Variants in RIT2 observed in about 807,000 individuals in gnomAD.
RIT2 encodes the protein Ras like without CAAX 2.
A neutral mutation model predicts 23.7 loss-of-function variants in RIT2; 24 were observed. The observed-to-expected ratio is 1.01, with a 90% confidence interval of 0.73 to 1.43. The LOEUF (loss-of-function observed/expected upper bound fraction) is 1.43. RIT2 is among the 40% of genes most tolerant of loss of function. The pLI is 0.00. For missense variants in RIT2, 236 were observed against 266.9 expected (o/e 0.88, Z 0.81); for synonymous variants, 107 against 91.1 (o/e 1.17, Z -0.99).
intron 4 of RIT2, among the ~76,000 whole-genome samples, chr18:42,772,047 T>C (rs1913564391): frequency 6.6e-6 from 1 of 152,146 alleles, no homozygotes; most frequent in African/African-American, 2.4e-5. Flanking sequence ...AGAAGGGGGT[T>C]AGTCAAAGAA....
chr18:42,997,222 G>A (rs1911004988), intron 2 of RIT2, among the ~76,000 whole-genome samples: 3 of 152,088 alleles, frequency 2.0e-5, no homozygotes, highest in Admixed American at 6.6e-5. Flanking sequence ...CAAGTGATTG[G>A]CACATGTCCT....
In RIT2 at chr18:43,032,295, T is replaced by G. The variant is rs542922047; in HGVS notation, c.160+1516A>C. ...AGGAGTCATTTATGATTTATTCACA[T>G]CTACTGCCCTGTTCAAGCTGTTAGA... On this transcript the variant is annotated intron_variant, in intron 2 of 4. Coordinates refer to ENST00000326695, the MANE Select transcript of RIT2 (RefSeq NM_002930.4). Among the ~76,000 whole-genome samples the G allele has an allele frequency of 1.3e-4, 20 of 152,162 alleles. No individual in the cohort carries two copies. In the South Asian group the frequency reaches 3.9e-3, roughly 30 times the overall value.
chr18:43,083,578 C>A (rs1913209654), intron 1 of RIT2, among the ~76,000 whole-genome samples: 1 of 152,074 alleles, frequency 6.6e-6, no homozygotes, highest in African/African-American at 2.4e-5. Flanking sequence ...TAGCACCATA[C>A]ATCTACAACC....
chr18:42,991,126 T>C (rs1264722900), intron 2 of RIT2, among the ~76,000 whole-genome samples: 1 of 152,122 alleles, frequency 6.6e-6, no homozygotes, highest in Non-Finnish European at 1.5e-5. Context: ...TGGACAACTG[T>C]TAAGTTTGTA....
intron 4 of RIT2, among the ~76,000 whole-genome samples, chr18:42,860,357 G>A (rs535463304): frequency 6.6e-6 from 1 of 152,312 alleles, no homozygotes; most frequent in African/African-American, 2.4e-5. Flanking sequence ...CACAAAGCTT[G>A]TTGTTCTTAC....
chr18:42,928,368 G>C (rs1909236004), intron 3 of RIT2, among the ~76,000 whole-genome samples: 1 of 152,014 alleles, frequency 6.6e-6, no homozygotes, highest in Non-Finnish European at 1.5e-5. Context: ...TGAGGGAAAA[G>C]GATGTGATGT....
At chr18:43,048,607 G>C (rs1181568309) in intron 1 of RIT2, among the ~76,000 whole-genome samples, 1 of 152,100 alleles carries the variant, frequency 6.6e-6, no homozygotes, top group Admixed American at 6.6e-5. Flanking sequence ...ACTTAAACTA[G>C]TGACCAGACA....
intron 2 of RIT2, among the ~76,000 whole-genome samples, chr18:42,997,767 T>C (rs557906247): frequency 6.6e-6 from 1 of 152,314 alleles, no homozygotes; most frequent in South Asian, 2.1e-4. Flanking sequence ...AGTGAAACAC[T>C]ATTTTACCAT....
intron 1 of RIT2, among the ~76,000 whole-genome samples, chr18:43,042,230 G>A (rs550663199): frequency 3.1e-4 from 47 of 152,196 alleles, no homozygotes; most frequent in African/African-American, 8.9e-4. Context: ...TAATTTTCTC[G>A]TCTGAAAAAT....
At chr18:43,032,972 A>G (rs369929048) in intron 2 of RIT2, among the ~76,000 whole-genome samples, 1 of 152,096 alleles carries the variant, frequency 6.6e-6, no homozygotes, top group Non-Finnish European at 1.5e-5. Context: ...GAGGGAACAA[A>G]TAGGGTAAGT....
intron 4 of RIT2, 100 bp downstream of exon 4, chr18:42,923,472 T>G: frequency 1.0e-6 from 1 of 965,418 alleles, no homozygotes; most frequent in Non-Finnish European, 1.6e-6. Context: ...CATAATTTCT[T>G]TCTCATAATT....
At position 42,965,711 on chromosome 18, in the gene RIT2, C is replaced by CTTTTTTTTTTTTTTTTT. The variant is rs58344278; in HGVS notation, c.234+8346_234+8362dup. Among the ~76,000 whole-genome samples, 12 of 37,786 alleles carry CTTTTTTTTTTTTTTTTT rather than the reference C, an allele frequency of 3.2e-4. 1 individual carries two copies. The highest frequency in any genetic ancestry group is 4.3e-4 in the Non-Finnish European group (8 of 18,728). The allele number at this position is 37,786 out of a possible 152,430, so 24.8% of individuals were successfully genotyped here. A position where few individuals can be genotyped will look rare whatever the true frequency, so the allele number is the denominator to read the frequency against. The stretch of plus-strand genomic sequence containing the variant: ...GGTAAACAAAGATGTGTACTGATGG[C>CTTTTTTTTTTTTTTTTT]TTTTTTTTTTTTTTTTTTTTTTTTT... On this transcript the variant is annotated intron_variant, in intron 3 of 4. Transcript: ENST00000326695.
At chr18:43,041,042 TAA>T (rs1912117241) in intron 1 of RIT2, among the ~76,000 whole-genome samples, 1 of 152,132 alleles carries the variant, frequency 6.6e-6, no homozygotes, top group Non-Finnish European at 1.5e-5. Context: ...TTATTGCTTT[TAA>T]AAATTAATTA....
In RIT2 at chr18:42,896,092, C is replaced by A. The variant is rs142808680; in HGVS notation, c.426+27480G>T. 4.3e-3 allele frequency among the ~76,000 whole-genome samples: 650 copies of A among 152,194 alleles called. 6 individuals are homozygous for A. The highest frequency in any genetic ancestry group is 0.015 in the African/African-American group (620 of 41,510). The stretch of plus-strand genomic sequence containing the variant: ...CAGCCTGGTTAACATGGTGAAACCC[C>A]AGCTCTACTAAAAATACAAAAATTA... On this transcript the variant is annotated intron_variant, in intron 4 of 4. Coordinates refer to ENST00000326695, the MANE Select transcript of RIT2 (RefSeq NM_002930.4).
chr18:43,081,496 T>C (rs1472942031), intron 1 of RIT2, among the ~76,000 whole-genome samples: 2 of 152,146 alleles, frequency 1.3e-5, no homozygotes, highest in African/African-American at 2.4e-5. Context: ...GGTAACTTCA[T>C]TGTCATGCTG....
rs1247954001 is a variant in RIT2 at position 42,923,575 on chromosome 18, G to A, written c.423C>T (p.Arg141=). 1 of 1,612,644 alleles carries A rather than the reference G, an allele frequency of 6.2e-7. No homozygotes were observed. Among genetic ancestry groups the A allele is most frequent in the Non-Finnish European group, 8.5e-7 (1 of 1,179,114 alleles). ...ACCAGATAAAATCGGCACTCACCTG[G>A]CGGAACTGTTCCAGATCAATTTTGT... The part of the protein sequence containing the change: ...VGNKIDLEQF[R]QVSTEEGLSL... The change falls in exon 4 of 5, where the codon CGC becomes CGT. Residue 141 remains arginine, a synonymous_variant. Transcript: ENST00000326695.
chr18:43,073,445 A>C (rs1216210914), intron 1 of RIT2, among the ~76,000 whole-genome samples: 4 of 152,178 alleles, frequency 2.6e-5, no homozygotes, highest in African/African-American at 9.7e-5. Context: ...GTGGCATTTA[A>C]AGGTATAATA....
chr18:42,909,480 C>T (rs1046107081), intron 4 of RIT2, among the ~76,000 whole-genome samples: 1 of 152,020 alleles, frequency 6.6e-6, no homozygotes, highest in African/African-American at 2.4e-5. Flanking sequence ...CATTTAAAAA[C>T]CCTCCAGTTT....
chr18:42,961,726 G>T (rs1049475759), intron 3 of RIT2, among the ~76,000 whole-genome samples: 1 of 152,048 alleles, frequency 6.6e-6, no homozygotes, highest in African/African-American at 2.4e-5. Context: ...TGCTATTTAG[G>T]CTACATTTTC....
Sources: allele counts gnomAD v4.1 joint callset (sites outside exome capture counted in the v4.1 genomes callset), GRCh38; gene constraint gnomAD v4.1.1; transcripts MANE v1.5; gene names NCBI Gene and HGNC (gene_info 2026-07-23, HGNC 2026-07-21).